Variants in MGAT4D observed in about 807,000 individuals in gnomAD.
MGAT4D encodes the protein alpha-1,3-mannosyl-glycoprotein 4-beta-N-acetylglucosaminyltransferase-like protein MGAT4D.
Under a neutral mutation model 15.9 loss-of-function variants are expected in MGAT4D, and 34 were observed. The ratio of observed to expected loss-of-function variants is 2.14; its 90% CI spans 1.62 to 2.84. MGAT4D has a LOEUF of 2.84. MGAT4D is among the 30% of genes most tolerant of loss of function. MGAT4D has a pLI of 0.00. For missense variants in MGAT4D, 327 were observed against 140.2 expected (o/e 2.33, Z -6.73); for synonymous variants, 112 against 48.2 (o/e 2.33, Z -5.49).
intron 9 of MGAT4D, among the ~76,000 whole-genome samples, chr4:140,455,228 T>C (rs1730724393): frequency 6.6e-6 from 1 of 152,202 alleles, no homozygotes; most frequent in Non-Finnish European, 1.5e-5. Context: ...AAGCTTTCTC[T>C]CTAAGCAGTG....
At position 140,443,179 on chromosome 4, in the gene MGAT4D, G is replaced by A. The variant is rs6835100; in HGVS notation, c.*257C>T. ...GTCTCACTATCGAAGTCAATAAAGT[G>A]CAGTTCTTAATTTAAAAAAAACTTC... On this transcript the variant is annotated 3_prime_UTR_variant, in exon 11 of 11. Coordinates refer to ENST00000511113, the MANE Select transcript of MGAT4D (RefSeq NM_001277353.2). 204,298 of 206,408 alleles carry A rather than the reference G, an allele frequency of 0.99. 101,135 individuals carry two copies. The highest frequency in any genetic ancestry group is 1 in the Middle Eastern group (600 of 600). 12.8% of individuals were successfully genotyped at this position (206,408 alleles called of 1,614,324 possible). A position where few individuals can be genotyped will look rare whatever the true frequency, so the allele number is the denominator to read the frequency against.
At chr4:140,445,233 T>C (rs929894898) in intron 10 of MGAT4D, among the ~76,000 whole-genome samples, 1 of 152,200 alleles carries the variant, frequency 6.6e-6, no homozygotes, top group African/African-American at 2.4e-5. Context: ...TGTGAGATGG[T>C]ATCTCACTGT....
chr4:140,454,098 C>A lies in MGAT4D; in HGVS notation c.1008+2491G>T, dbSNP rs1403185346. Among the ~76,000 whole-genome samples the A allele has an allele frequency of 4.0e-5, 6 of 151,550 alleles. No individual in the cohort carries two copies. In the East Asian group the frequency reaches 1.2e-3, roughly 29 times the overall value. ...GGCATTTGCTTTTCAATTCACGTGC[C>A]TTTGTTTTTCCCTTTATTGCACTGG... On this transcript the variant is annotated intron_variant, in intron 9 of 10. Transcript: ENST00000511113.
intron 10 of MGAT4D, among the ~76,000 whole-genome samples, chr4:140,446,515 T>C (rs1284379806): frequency 2.0e-5 from 3 of 152,084 alleles, no homozygotes; most frequent in Admixed American, 1.3e-4. Flanking sequence ...AGTGGCAATG[T>C]CTCCTTTGTC....
intron 1 of MGAT4D, 82 bp from the exon 2 acceptor site, chr4:140,482,567 A>G (rs1732815616): frequency 3.7e-6 from 2 of 540,334 alleles, no homozygotes; most frequent in Non-Finnish European, 3.2e-6. Context: ...AATGTAAAGT[A>G]TAAGTTTCAA....
chr4:140,488,719 C>A (rs1283877104), intron 1 of MGAT4D, among the ~76,000 whole-genome samples: 1 of 152,166 alleles, frequency 6.6e-6, no homozygotes, highest in Non-Finnish European at 1.5e-5. Context: ...TCTATCCCCA[C>A]CAAATCTCAT....
intron 9 of MGAT4D, among the ~76,000 whole-genome samples, chr4:140,452,273 C>T (rs1730523118): frequency 6.6e-6 from 1 of 151,862 alleles, no homozygotes; most frequent in Non-Finnish European, 1.5e-5. Context: ...ATAGAAGATT[C>T]AGAAAAATAA....
At chr4:140,454,596 T>C (rs1479189000) in intron 9 of MGAT4D, among the ~76,000 whole-genome samples, 1 of 152,170 alleles carries the variant, frequency 6.6e-6, no homozygotes, top group African/African-American at 2.4e-5. Context: ...TTTCATGTCA[T>C]GATAATGCCA....
intron 1 of MGAT4D, among the ~76,000 whole-genome samples, chr4:140,490,969 A>G (rs1733464350): frequency 6.6e-6 from 1 of 152,248 alleles, no homozygotes; most frequent in Non-Finnish European, 1.5e-5. Context: ...TGGTTCAACT[A>G]GATATTCCAA....
rs578112296 is a variant in MGAT4D at position 140,484,503 on chromosome 4, T to G, written c.95-2018A>C. 2.5e-4 allele frequency among the ~76,000 whole-genome samples: 38 copies of G among 152,292 alleles called. 1 individual carries two copies. The South Asian group carries it at 6.8e-3, about 27-fold the overall frequency. On this transcript the variant is annotated intron_variant, in intron 1 of 10. Coordinates refer to ENST00000511113, the MANE Select transcript of MGAT4D (RefSeq NM_001277353.2). The stretch of plus-strand genomic sequence containing the variant: ...GACATAGGCATGGGCAAGGACTTCA[T>G]GTCTAAAACACCAAAAGCAATAGCA...
intron 5 of MGAT4D, among the ~76,000 whole-genome samples, chr4:140,467,214 T>G (rs1731595552): frequency 6.6e-6 from 1 of 152,052 alleles, no homozygotes; most frequent in South Asian, 2.1e-4. Context: ...AAACGAATTC[T>G]AATATGTTCC....
At chr4:140,447,837 G>C (rs574450668) in intron 10 of MGAT4D, among the ~76,000 whole-genome samples, 1 of 152,278 alleles carries the variant, frequency 6.6e-6, no homozygotes, top group East Asian at 1.9e-4. Flanking sequence ...TGCATTGGCT[G>C]GTAACAGTCC....
intron 3 of MGAT4D, among the ~76,000 whole-genome samples, chr4:140,476,100 C>A (rs1732312979): frequency 1.3e-5 from 2 of 152,198 alleles, no homozygotes; most frequent in African/African-American, 4.8e-5. Flanking sequence ...GCATGTGCCA[C>A]TGTGCCTGGC....
Position 140,485,457 on chromosome 4 carries a change from C to T in MGAT4D, c.95-2972G>A, listed in dbSNP as rs181320158. ...AGGAGATATACCTAATGCTAAATGA[C>T]GAGATAGTGGGTGCAGCATACCAGC... On this transcript the variant is annotated intron_variant, in intron 1 of 10. Transcript: ENST00000511113. Among the ~76,000 whole-genome samples the T allele has an allele frequency of 3.2e-3, 484 of 151,642 alleles. 5 individuals carry two copies. Among genetic ancestry groups the T allele is most frequent in the African/African-American group, 0.011 (446 of 41,288 alleles).
intron 1 of MGAT4D, among the ~76,000 whole-genome samples, chr4:140,493,197 C>G: frequency 6.6e-6 from 1 of 152,016 alleles, no homozygotes; most frequent in East Asian, 1.9e-4. Flanking sequence ...TTACCCGATG[C>G]CTCGGCTACC....
intron 7 of MGAT4D, among the ~76,000 whole-genome samples, chr4:140,460,346 C>T (rs1219242800): frequency 1.3e-5 from 2 of 152,192 alleles, no homozygotes; most frequent in Non-Finnish European, 2.9e-5. Flanking sequence ...AGGCTTATGT[C>T]TGCTGAAGGC....
chr4:140,474,640 G>GT (rs1301370080), intron 4 of MGAT4D, among the ~76,000 whole-genome samples, 173 bp downstream of exon 4: 3 of 152,234 alleles, frequency 2.0e-5, no homozygotes, highest in African/African-American at 7.2e-5. Flanking sequence ...CTTCTCAGCA[G>GT]TATCGAAGAA....
At chr4:140,452,693 T>A (rs983579471) in intron 9 of MGAT4D, among the ~76,000 whole-genome samples, 2 of 152,172 alleles carry the variant, frequency 1.3e-5, no homozygotes, top group African/African-American at 4.8e-5. Context: ...TTACAAATAT[T>A]TTCTCCTAGT....
chr4:140,473,363 T>A (rs1732100645), intron 4 of MGAT4D, among the ~76,000 whole-genome samples: 1 of 152,200 alleles, frequency 6.6e-6, no homozygotes. Context: ...GGTAGATATT[T>A]TGGTTGTTTC....
Sources: gnomAD v4.1 joint callset for allele counts (sites outside exome capture counted in the v4.1 genomes callset) on GRCh38, gnomAD v4.1.1 for gene constraint, MANE v1.5 for transcripts, NCBI Gene and HGNC (gene_info 2026-07-23, HGNC 2026-07-21) for gene names.